LITAF: variants seen among roughly 807,000 people sequenced by gnomAD.
LITAF encodes lipopolysaccharide-induced tumor necrosis factor-alpha factor.
Under a neutral mutation model 14.5 loss-of-function variants are expected in LITAF, and 9 were observed. The observed-to-expected ratio is 0.62, with a 90% CI of 0.37 to 1.08. The LOEUF is 1.08. Ranked by LOEUF, LITAF falls within the 50% of genes least tolerant of loss-of-function variation. The probability of loss-of-function intolerance (pLI) is 0.01; values close to 1 mark genes in which losing one functional copy is unlikely to be tolerated. For synonymous variants in LITAF, 98 were observed against 88.2 expected (o/e 1.11, Z -0.62); for missense variants, 206 against 213.4 (o/e 0.97, Z 0.22).
intron 1 of LITAF, among the ~76,000 whole-genome samples, chr16:11,593,170 C>CAAAAAAAAA (rs1166538553): frequency 6.6e-6 from 1 of 150,740 alleles, no homozygotes; most frequent in African/African-American, 2.4e-5. Flanking sequence ...AACTCTGTCT[C>CAAAAAAAAA]AAAATAAATA....
chr16:11,630,290 C>T (rs1026137138), intron 3 of LITAF, among the ~76,000 whole-genome samples: 4 of 152,322 alleles, frequency 2.6e-5, no homozygotes, highest in Middle Eastern at 3.4e-3. Context: ...AAGCTGGGTC[C>T]TCTCTGAGGA....
At chr16:11,564,232 CA>C (rs1567241514) in intron 1 of LITAF, among the ~76,000 whole-genome samples, 1 of 151,790 alleles carries the variant, frequency 6.6e-6, no homozygotes, top group Non-Finnish European at 1.5e-5. Flanking sequence ...AAAGTGGAGG[CA>C]AAAAACCCAG....
At chr16:11,565,992 T>C (rs1047603795) in intron 1 of LITAF, among the ~76,000 whole-genome samples, 1 of 151,984 alleles carries the variant, frequency 6.6e-6, no homozygotes, top group African/African-American at 2.4e-5. Context: ...AGTGCCTCAG[T>C]TTTCCCATCC....
chr16:11,612,860 A>G (rs2141880471), intron 3 of LITAF, among the ~76,000 whole-genome samples: 1 of 152,260 alleles, frequency 6.6e-6, no homozygotes, highest in Non-Finnish European at 1.5e-5. Flanking sequence ...GCACCATCTC[A>G]GGGACTCCCA....
chr16:11,578,356 G>A (rs2064676381), intron 1 of LITAF, among the ~76,000 whole-genome samples: 2 of 152,070 alleles, frequency 1.3e-5, no homozygotes, highest in African/African-American at 4.8e-5. Context: ...TCGGGAGTTC[G>A]AGACCAGCCT....
upstream of LITAF, among the ~76,000 whole-genome samples, chr16:11,591,831 C>T (rs541532283): frequency 2.0e-4 from 31 of 152,168 alleles, 1 homozygote; most frequent in African/African-American, 1.4e-4. Context: ...TCAAGCGATC[C>T]GCCCACCTTG....
Position 11,548,917 on chromosome 16 carries a change from A to G in LITAF, c.*720T>C. ...CTATGAGAAAAAAATCCCTGTATGG[A>G]AAGGGGCACTGAAGATCTGGCACAG... On this transcript the variant is annotated 3_prime_UTR_variant, in exon 4 of 4. Coordinates refer to ENST00000622633, the MANE Select transcript of LITAF (RefSeq NM_001136472.2). 1 of 454,052 alleles carries G rather than the reference A, an allele frequency of 2.2e-6. No homozygotes were observed. Among genetic ancestry groups the G allele is most frequent in the Non-Finnish European group, 4.4e-6 (1 of 226,770 alleles). The allele number at this position is 454,052 out of a possible 1,614,324, so 28.1% of individuals were successfully genotyped here. A position where few individuals can be genotyped will look rare whatever the true frequency, so the allele number is the denominator to read the frequency against.
intron 2 of LITAF, among the ~76,000 whole-genome samples, chr16:11,554,468 T>C (rs2064237009): frequency 6.6e-6 from 1 of 151,940 alleles, no homozygotes; most frequent in Admixed American, 6.5e-5. Flanking sequence ...TGAAAACATG[T>C]TCGAACATTC....
At chr16:11,618,900 G>A (rs1240786539) in intron 3 of LITAF, among the ~76,000 whole-genome samples, 1 of 151,354 alleles carries the variant, frequency 6.6e-6, no homozygotes, top group African/African-American at 2.4e-5. Context: ...GGAGAATCGC[G>A]TGAACCTGGG....
chr16:11,628,257 A>G (rs1178541188), intron 3 of LITAF, among the ~76,000 whole-genome samples: 1 of 152,120 alleles, frequency 6.6e-6, no homozygotes, highest in Non-Finnish European at 1.5e-5. Flanking sequence ...GTGGCCCCAG[A>G]TAACTCGCTA....
upstream of LITAF, among the ~76,000 whole-genome samples, chr16:11,600,408 C>T (rs924106266): frequency 2.0e-5 from 3 of 152,236 alleles, no homozygotes; most frequent in African/African-American, 7.2e-5. This position sits in a 1 kb window ranked among gnomAD's most constrained non-coding sequence, Gnocchi z 4.1. Flanking sequence ...TGGCATAGGC[C>T]TGTGAGAGTG....
intron 1 of LITAF, among the ~76,000 whole-genome samples, chr16:11,592,377 A>T (rs2064852485): frequency 6.6e-6 from 1 of 152,110 alleles, no homozygotes; most frequent in Non-Finnish European, 1.5e-5. Context: ...GGAGTTTGAG[A>T]CCAGCCTAAC....
intron 3 of LITAF, among the ~76,000 whole-genome samples, chr16:11,609,541 T>C (rs1156866830): frequency 1.3e-5 from 2 of 152,020 alleles, no homozygotes; most frequent in East Asian, 3.9e-4. Context: ...ATGGGTGAAT[T>C]GTCCGGTATG....
intron 3 of LITAF, among the ~76,000 whole-genome samples, chr16:11,627,716 C>T (rs924981263): frequency 2.0e-5 from 3 of 152,118 alleles, no homozygotes; most frequent in Non-Finnish European, 2.9e-5. Flanking sequence ...TGGTGGTGCA[C>T]GCCTGTAGCC....
At chr16:11,620,379 G>T (rs975369890) in intron 3 of LITAF, among the ~76,000 whole-genome samples, 2 of 151,938 alleles carry the variant, frequency 1.3e-5, no homozygotes, top group African/African-American at 4.8e-5. Context: ...ACTATCTCTT[G>T]CTCCTGTTTT....
intron 3 of LITAF, among the ~76,000 whole-genome samples, chr16:11,623,808 A>C (rs2065066499): frequency 6.6e-6 from 1 of 151,728 alleles, no homozygotes. Flanking sequence ...CTCTACTAAA[A>C]ATACAAAAAT....
chr16:11,612,349 A>G (rs1163523398), intron 3 of LITAF, among the ~76,000 whole-genome samples: 1 of 152,162 alleles, frequency 6.6e-6, no homozygotes, highest in Non-Finnish European at 1.5e-5. Context: ...TCTTGTGAAA[A>G]GGGGCCACCT....
At chr16:11,638,004 C>CTA (rs1491134347), upstream of LITAF, among the ~76,000 whole-genome samples, 17 of 48,428 alleles carry the variant, frequency 3.5e-4, 1 homozygote, top group African/African-American at 3.4e-3. Context: ...CTATATATAT[C>CTA]TATATATATC....
At chr16:11,626,590 G>A (rs569961894) in intron 3 of LITAF, among the ~76,000 whole-genome samples, 10 of 152,014 alleles carry the variant, frequency 6.6e-5, no homozygotes, top group East Asian at 1.9e-4. Flanking sequence ...TGCTGGCCTC[G>A]GCCTCCCAAA....
Sources: allele counts gnomAD v4.1 joint callset (sites outside exome capture counted in the v4.1 genomes callset), GRCh38; gene constraint gnomAD v4.1.1; non-coding constraint Gnocchi (gnomAD v3.1); transcripts MANE v1.5; gene names NCBI Gene and HGNC (gene_info 2026-07-23, HGNC 2026-07-21).